JMJD1C: variants seen among roughly 807,000 people sequenced by gnomAD.
JMJD1C encodes the protein jumonji domain-containing protein 1C.
In JMJD1C, 31 loss-of-function variants were observed where a neutral mutation model predicts 245.3. The ratio of observed to expected loss-of-function variants is 0.13; its 90% confidence interval spans 0.09 to 0.17. JMJD1C has a LOEUF of 0.17. Among genes scored for constraint, JMJD1C ranks in the 10% least tolerant of loss-of-function variants. JMJD1C has a pLI of 1.00. For synonymous variants in JMJD1C, 1,057 were observed against 1,017.4 expected, an observed-to-expected ratio of 1.04 and a Z score of -0.74; for missense variants, 2,691 against 3,000.2, an observed-to-expected ratio of 0.90 and a Z score of 2.41.
chr10:63,289,335 T>C (rs1858367370), intron 2 of JMJD1C, among the ~76,000 whole-genome samples: 1 of 152,148 alleles, frequency 6.6e-6, no homozygotes, highest in African/African-American at 2.4e-5. Flanking sequence ...ATTTTTTCTC[T>C]TAGAGGACTG....
chr10:63,420,134 CAAAA>C (rs35888793), intron 1 of JMJD1C, among the ~76,000 whole-genome samples: 58 of 135,460 alleles, frequency 4.3e-4, no homozygotes, highest in Non-Finnish European at 1.4e-4. Context: ...GACGCTGTCT[CAAAA>C]AAAAAAAAAT....
intron 1 of JMJD1C, among the ~76,000 whole-genome samples, chr10:63,422,782 T>C (rs1950198530): frequency 1.3e-5 from 2 of 152,204 alleles, no homozygotes; most frequent in Non-Finnish European, 2.9e-5. Context: ...GATATAGCCT[T>C]TGCCATTCCA....
In JMJD1C at chr10:63,387,629, A is replaced by AT. The variant is rs71025169; in HGVS notation, c.169-7148dup. ...AGTCAGAAGAAAAAAGAAAAAAAAAATTTTTTTTTTTTTTTTTTTTTTTTG... is the reference window on the plus strand; with the variant it reads ...AGTCAGAAGAAAAAAGAAAAAAAAAATTTTTTTTTTTTTTTTTTTTTTTTTG... On this transcript the variant is annotated intron_variant, in intron 1 of 25. Transcript: ENST00000399262. 8.7e-3 allele frequency among the ~76,000 whole-genome samples: 328 copies of AT among 37,864 alleles called. 48 individuals are homozygous for AT. Among genetic ancestry groups the AT allele is most frequent in the African/African-American group, 0.038 (313 of 8,304 alleles). 24.8% of individuals were successfully genotyped at this position (37,864 alleles called of 152,430 possible).
intron 2 of JMJD1C, among the ~76,000 whole-genome samples, chr10:63,363,845 C>T (rs1945617203): frequency 6.7e-6 from 1 of 149,386 alleles, no homozygotes; most frequent in African/African-American, 2.5e-5. Flanking sequence ...CGCCACCATG[C>T]CTGGCTAATT....
chr10:63,311,495 T>C (rs1939194531), intron 2 of JMJD1C, among the ~76,000 whole-genome samples: 1 of 152,190 alleles, frequency 6.6e-6, no homozygotes, highest in Non-Finnish European at 1.5e-5. Context: ...TCCAACATTG[T>C]GTCTAAAAAG....
chr10:63,380,826 T>C (rs1947155823), intron 1 of JMJD1C, among the ~76,000 whole-genome samples: 1 of 152,208 alleles, frequency 6.6e-6, no homozygotes, highest in Non-Finnish European at 1.5e-5. Flanking sequence ...GGTGGGAATG[T>C]AAATTAGTAC....
At chr10:63,349,475 A>G (rs1045388541) in intron 2 of JMJD1C, among the ~76,000 whole-genome samples, 1 of 152,224 alleles carries the variant, frequency 6.6e-6, no homozygotes, top group Non-Finnish European at 1.5e-5. Flanking sequence ...AAATATAAAT[A>G]AGACATAATC....
intron 2 of JMJD1C, among the ~76,000 whole-genome samples, chr10:63,270,705 C>T (rs979944287): frequency 2.0e-5 from 3 of 152,062 alleles, no homozygotes; most frequent in Admixed American, 2.0e-4. Flanking sequence ...TGAACTTAAG[C>T]GATCCACCCA....
At chr10:63,378,184 GTA>G (rs1291355048) in intron 2 of JMJD1C, among the ~76,000 whole-genome samples, 2 of 151,888 alleles carry the variant, frequency 1.3e-5, no homozygotes. Context: ...AAACAACTTT[GTA>G]AAATTATGAC....
intron 2 of JMJD1C, chr10:63,372,983 C>A: frequency 8.1e-6 from 2 of 247,650 alleles, no homozygotes; most frequent in South Asian, 4.6e-5. Flanking sequence ...AGGGTCGAAG[C>A]CCCACTCCCC....
At chr10:63,428,391 G>C (rs1045623365) in intron 1 of JMJD1C, among the ~76,000 whole-genome samples, 1 of 152,128 alleles carries the variant, frequency 6.6e-6, no homozygotes, top group African/African-American at 2.4e-5. Context: ...ATTTCACAAA[G>C]ATTACAAAAG....
In JMJD1C at chr10:63,214,888, G is replaced by A; in HGVS notation, c.1279C>T (p.Leu427=). The A allele has an allele frequency of 1.2e-6, 2 of 1,613,462 alleles. No individual in the cohort carries two copies. Among genetic ancestry groups the A allele is most frequent in the South Asian group, 2.2e-5 (2 of 91,062 alleles). ...HNNEKAGEET[L]KNSQPPWDQI... ...TCCCAGGGAGGCTGGCTATTTTTTA[G>A]GGTCTCTTCTCCTGCCTTCTCATTA... The change falls in exon 8 of 26, where the codon CTA becomes TTA. Residue 427 remains leucine, a synonymous_variant. Coordinates refer to ENST00000399262, the MANE Select transcript of JMJD1C (RefSeq NM_032776.3).
chr10:63,324,505 T>C (rs773693121), intron 2 of JMJD1C, among the ~76,000 whole-genome samples: 7 of 152,154 alleles, frequency 4.6e-5, no homozygotes, highest in Non-Finnish European at 8.8e-5. Flanking sequence ...CCCTGTATTA[T>C]TCTATATTGA....
upstream of JMJD1C, among the ~76,000 whole-genome samples, chr10:63,470,072 A>G (rs370894034): frequency 6.6e-6 from 1 of 152,278 alleles, no homozygotes; most frequent in Non-Finnish European, 1.5e-5. Flanking sequence ...GGATTCCCCA[A>G]TAACAGATTT....
At chr10:63,506,649 G>A (rs1014012354) in intron 1 of JMJD1C, among the ~76,000 whole-genome samples, 5 of 152,116 alleles carry the variant, frequency 3.3e-5, no homozygotes, top group African/African-American at 1.2e-4. Flanking sequence ...CAGCCAAACT[G>A]AGTGGAAAGT....
At chr10:63,442,184 G>A (rs1413549573) in intron 1 of JMJD1C, among the ~76,000 whole-genome samples, 1 of 152,112 alleles carries the variant, frequency 6.6e-6, no homozygotes, top group Non-Finnish European at 1.5e-5. Flanking sequence ...TGCCATTACA[G>A]GGTAAAGAGT....
intron 3 of JMJD1C, among the ~76,000 whole-genome samples, chr10:63,237,401 C>T (rs1166498486): frequency 6.6e-6 from 1 of 152,096 alleles, no homozygotes; most frequent in Non-Finnish European, 1.5e-5. Flanking sequence ...AAATTAATAC[C>T]ACATCGAAGT....
intron 3 of JMJD1C, among the ~76,000 whole-genome samples, chr10:63,234,503 A>AC (rs755133364): frequency 0.011 from 1,610 of 148,178 alleles, 36 homozygotes; most frequent in African/African-American, 0.028. Flanking sequence ...TAAAAAAAAA[A>AC]AAAAAAAAAA....
chr10:63,227,499 C>T (rs1396519476), intron 3 of JMJD1C, among the ~76,000 whole-genome samples: 1 of 152,160 alleles, frequency 6.6e-6, no homozygotes, highest in Non-Finnish European at 1.5e-5. Flanking sequence ...AGAAATATCA[C>T]AAAACTGCAG....
Sources: allele counts gnomAD v4.1 joint callset (sites outside exome capture counted in the v4.1 genomes callset), GRCh38; gene constraint gnomAD v4.1.1; transcripts MANE v1.5; gene names NCBI Gene and HGNC (gene_info 2026-07-23, HGNC 2026-07-21).